ZMYM4: variants seen among roughly 807,000 people sequenced by gnomAD.
The protein encoded by ZMYM4 is zinc finger MYM-type protein 4.
ZMYM4 carries 31 observed loss-of-function variants against 183.2 expected under a neutral mutation model. That is an observed-to-expected ratio of 0.17 (90% CI 0.13 to 0.23). ZMYM4 has a LOEUF of 0.23. Among genes scored for constraint, ZMYM4 ranks in the 10% least tolerant of loss-of-function variants. ZMYM4 has a pLI of 1.00. For missense variants in ZMYM4, 1,273 were observed against 1,840.3 expected (o/e 0.69, Z 5.64); for synonymous variants, 592 against 631.2 (o/e 0.94, Z 0.93).
chr1:35,269,817 T>G (rs1248592286), intron 1 of ZMYM4, among the ~76,000 whole-genome samples: 2 of 152,204 alleles, frequency 1.3e-5, no homozygotes, highest in Non-Finnish European at 2.9e-5. Flanking sequence ...GTCTGGAAAC[T>G]TTCCTTATTT....
intron 2 of ZMYM4, chr1:35,350,968 C>T (rs1325585722): frequency 2.7e-6 from 2 of 752,214 alleles, no homozygotes; most frequent in Admixed American, 4.2e-5. Flanking sequence ...TATGAACTGC[C>T]AAAATATGGT....
chr1:35,296,846 T>TC lies in ZMYM4; in HGVS notation c.39+27761_39+27762insC, dbSNP rs934972741. Among the ~76,000 whole-genome samples the TC allele has an allele frequency of 8.0e-3, 1,083 of 136,012 alleles. 21 individuals carry two copies. The highest frequency in any genetic ancestry group is 0.03 in the African/African-American group (1,029 of 34,648). 89.2% of individuals were successfully genotyped at this position (136,012 alleles called of 152,430 possible). Reference sequence around the variant, plus strand: ...TTTTCTTTTTCTTTCTTTCTTTCTTTTTTTTTTTTTTTTTTTTTTGAGATG... The same window carrying TC: ...TTTTCTTTTTCTTTCTTTCTTTCTTTCTTTTTTTTTTTTTTTTTTTGAGATG... On this transcript the variant is annotated intron_variant, in intron 1 of 29. Coordinates refer to ENST00000314607, the MANE Select transcript of ZMYM4 (RefSeq NM_005095.3).
At position 35,293,685 on chromosome 1, in the gene ZMYM4, C is replaced by T. The variant is rs181884431; in HGVS notation, c.39+24600C>T. On this transcript the variant is annotated intron_variant, in intron 1 of 29. Transcript: ENST00000314607. Reference sequence around the variant, plus strand: ...TGTCTAATTCTGTTTCAGTAGGTTTCGATAGGTTTAGCGCACATGAAATAC... The same window carrying T: ...TGTCTAATTCTGTTTCAGTAGGTTTTGATAGGTTTAGCGCACATGAAATAC... 2.1e-4 allele frequency among the ~76,000 whole-genome samples: 32 copies of T among 152,016 alleles called. No individual in the cohort carries two copies. The East Asian group carries it at 3.9e-3, about 18-fold the overall frequency.
intron 1 of ZMYM4, among the ~76,000 whole-genome samples, chr1:35,301,605 A>C (rs1186847382): frequency 1.3e-5 from 2 of 151,154 alleles, no homozygotes; most frequent in Non-Finnish European, 2.9e-5. Context: ...GAACTATTTC[A>C]GGCCCTGTAT....
chr1:35,289,180 G>T (rs1403272097), intron 1 of ZMYM4, among the ~76,000 whole-genome samples: 1 of 152,200 alleles, frequency 6.6e-6, no homozygotes, highest in Non-Finnish European at 1.5e-5. Context: ...GAGCATGTTG[G>T]TTTTTGTGTA....
intron 15 of ZMYM4, among the ~76,000 whole-genome samples, chr1:35,390,825 C>T (rs1310045197): frequency 6.6e-6 from 1 of 152,134 alleles, no homozygotes; most frequent in Non-Finnish European, 1.5e-5. Flanking sequence ...TCCTTTGAGA[C>T]TACTTATAAC....
intron 1 of ZMYM4, among the ~76,000 whole-genome samples, chr1:35,290,536 A>G (rs1640709915): frequency 6.6e-6 from 1 of 152,106 alleles, no homozygotes; most frequent in East Asian, 1.9e-4. Context: ...CCTGAGCTCA[A>G]GGGATCCTCC....
intron 1 of ZMYM4, among the ~76,000 whole-genome samples, chr1:35,300,037 C>T (rs749565973): frequency 5.9e-5 from 9 of 151,892 alleles, no homozygotes; most frequent in Non-Finnish European, 1.2e-4. Context: ...CCTCGTGATC[C>T]GCCCACCTTG....
intron 1 of ZMYM4, among the ~76,000 whole-genome samples, chr1:35,316,643 T>C (rs941622104): frequency 3.9e-5 from 6 of 152,150 alleles, no homozygotes; most frequent in South Asian, 2.1e-4. Context: ...TATAAACTTA[T>C]GTGACATTTT....
rs1040557060 is a variant in ZMYM4, at chr1:35,385,605, T to C, written c.1720+13T>C. 2 of 1,572,864 alleles carry C rather than the reference T, an allele frequency of 1.3e-6. No individual in the cohort carries two copies. The highest frequency in any genetic ancestry group is 2.8e-5 in the African/African-American group (2 of 72,408). Reference sequence around the variant, plus strand: ...GTTACTTCTGCAGGTAATATTGGTTTCACAAACTATGAAATGCAATGGTTG... The same window carrying C: ...GTTACTTCTGCAGGTAATATTGGTTCCACAAACTATGAAATGCAATGGTTG... On this transcript the variant is annotated intron_variant, in intron 10 of 29. Transcript: ENST00000314607.
At chr1:35,304,505 T>C (rs926370731) in intron 1 of ZMYM4, among the ~76,000 whole-genome samples, 4 of 151,796 alleles carry the variant, frequency 2.6e-5, no homozygotes, top group Non-Finnish European at 4.4e-5. Context: ...TCATCCAGGC[T>C]GGGGTGCAAT....
chr1:35,303,100 A>G (rs1570300733), intron 1 of ZMYM4, among the ~76,000 whole-genome samples: 1 of 151,614 alleles, frequency 6.6e-6, no homozygotes, highest in East Asian at 1.9e-4. Flanking sequence ...CCTGGCAAAA[A>G]AAAAAAAACA....
chr1:35,400,852 TG>T (rs1184791456), intron 23 of ZMYM4, among the ~76,000 whole-genome samples: 3 of 152,244 alleles, frequency 2.0e-5, no homozygotes, highest in Non-Finnish European at 4.4e-5. Context: ...TTCACATGAA[TG>T]GAATCCTATA....
At chr1:35,316,047 T>C (rs1242943001) in intron 1 of ZMYM4, among the ~76,000 whole-genome samples, 1 of 152,240 alleles carries the variant, frequency 6.6e-6, no homozygotes, top group Non-Finnish European at 1.5e-5. Context: ...GTCCATTATA[T>C]AATACTAATT....
At chr1:35,354,078 G>T (rs747568503) in intron 2 of ZMYM4, among the ~76,000 whole-genome samples, 1 of 152,106 alleles carries the variant, frequency 6.6e-6, no homozygotes, top group Non-Finnish European at 1.5e-5. Context: ...GAGCCCAGGA[G>T]GCTGAGACTG....
At chr1:35,391,999 C>CCACT (rs1460938132) in intron 15 of ZMYM4, among the ~76,000 whole-genome samples, 2 of 152,100 alleles carry the variant, frequency 1.3e-5, no homozygotes, top group East Asian at 3.9e-4. Flanking sequence ...TGATATCGTG[C>CCACT]CACTGCACTC....
At chr1:35,362,247 A>G (rs1422334178) in intron 5 of ZMYM4, among the ~76,000 whole-genome samples, 2 of 152,228 alleles carry the variant, frequency 1.3e-5, no homozygotes, top group Non-Finnish European at 2.9e-5. Flanking sequence ...GAACCAGTTC[A>G]TTGGATTAGT....
intron 1 of ZMYM4, among the ~76,000 whole-genome samples, chr1:35,321,429 A>G (rs1036459495): frequency 2.6e-5 from 4 of 152,188 alleles, no homozygotes; most frequent in Non-Finnish European, 4.4e-5. Flanking sequence ...GAGCAGCTAT[A>G]GGTTATTTAT....
intron 23 of ZMYM4, among the ~76,000 whole-genome samples, chr1:35,404,097 C>T (rs1644960328): frequency 6.6e-6 from 1 of 152,172 alleles, no homozygotes; most frequent in African/African-American, 2.4e-5. Flanking sequence ...AGGGTCTCCA[C>T]TCAGTCACCC....
Sources: allele counts gnomAD v4.1 joint callset (sites outside exome capture counted in the v4.1 genomes callset), GRCh38; gene constraint gnomAD v4.1.1; transcripts MANE v1.5; gene names NCBI Gene and HGNC (gene_info 2026-07-23, HGNC 2026-07-21).